The following SCRG1 variants were observed in gnomAD, a reference collection of about 807,000 sequenced individuals.
SCRG1 encodes stimulator of chondrogenesis 1, also known as scrapie-responsive protein 1.
SCRG1 carries 3 observed loss-of-function variants against 7.7 expected under a neutral mutation model. The ratio of observed to expected loss-of-function variants is 0.39; its 90% CI spans 0.18 to 1.01. The LOEUF is 1.01. Ranked by LOEUF, SCRG1 falls within the 50% of genes least tolerant of loss-of-function variation. The probability of loss-of-function intolerance (pLI) is 0.36; values close to 1 mark genes in which losing one functional copy is unlikely to be tolerated. For missense variants in SCRG1, 110 were observed against 117.2 expected (o/e 0.94, Z 0.28); for synonymous variants, 46 against 41.2 (o/e 1.12, Z -0.44).
At chr4:173,499,447 T>C in the SCRG1 span, among the ~76,000 whole-genome samples, 1 of 152,222 alleles carries the variant, frequency 6.6e-6, no homozygotes, top group Non-Finnish European at 1.5e-5. This position sits in a 1 kb window ranked among gnomAD's most constrained non-coding sequence, Gnocchi z 4.1. Flanking sequence ...GTAATAATAG[T>C]AATAGTAATA....
At chr4:173,490,520 T>C in the SCRG1 span, among the ~76,000 whole-genome samples, 10 of 152,264 alleles carry the variant, frequency 6.6e-5, no homozygotes, top group Middle Eastern at 6.8e-3. Context: ...GTCATGGACA[T>C]TTTGGCAGAA....
chr4:173,458,827 GA>G, the SCRG1 span, among the ~76,000 whole-genome samples: 2 of 150,400 alleles, frequency 1.3e-5, no homozygotes, highest in East Asian at 1.9e-4. Context: ...AGGATTAAGA[GA>G]AAAAAAAACA....
At chr4:173,473,078 A>G in the SCRG1 span, among the ~76,000 whole-genome samples, 3 of 152,228 alleles carry the variant, frequency 2.0e-5, no homozygotes, top group Non-Finnish European at 2.9e-5. Flanking sequence ...TTGGAATAAA[A>G]ACTATCCTAA....
At chr4:173,499,796 G>GA in the SCRG1 span, among the ~76,000 whole-genome samples, 4 of 151,900 alleles carry the variant, frequency 2.6e-5, no homozygotes, top group Non-Finnish European at 5.9e-5. This position sits in a 1 kb window ranked among gnomAD's most constrained non-coding sequence, Gnocchi z 4.1. Context: ...CATTTGGGGA[G>GA]AAAAAAAAGT....
the SCRG1 span, among the ~76,000 whole-genome samples, chr4:173,427,132 A>G: frequency 2.0e-5 from 3 of 152,326 alleles, no homozygotes; most frequent in East Asian, 5.8e-4. Context: ...CCAGTGAGGA[A>G]AATGAGACTT....
chr4:173,487,050 GA>G, the SCRG1 span, among the ~76,000 whole-genome samples: 1 of 152,126 alleles, frequency 6.6e-6, no homozygotes, highest in African/African-American at 2.4e-5. Flanking sequence ...AGCTTAAAAA[GA>G]AAAAAAGTCT....
At chr4:173,448,495 A>G in the SCRG1 span, among the ~76,000 whole-genome samples, 4 of 152,260 alleles carry the variant, frequency 2.6e-5, no homozygotes, top group Admixed American at 6.5e-5. Context: ...ACTTACAGAA[A>G]GAGAACCGAC....
the SCRG1 span, among the ~76,000 whole-genome samples, chr4:173,412,476 C>G: frequency 3.9e-5 from 6 of 152,298 alleles, no homozygotes; most frequent in East Asian, 1.2e-3. Context: ...TACTGTTTTG[C>G]TTTGCCTCTT....
the SCRG1 span, among the ~76,000 whole-genome samples, chr4:173,436,094 GA>G: frequency 0.37 from 55,764 of 151,816 alleles, 10,442 homozygotes; most frequent in South Asian, 0.54. Flanking sequence ...TTAAAAGGAT[GA>G]AAAAAACTCC....
At chr4:173,485,109 TTATATAA>T in the SCRG1 span, among the ~76,000 whole-genome samples, 2 of 14,476 alleles carry the variant, frequency 1.4e-4, no homozygotes, top group Non-Finnish European at 2.1e-4. Context: ...ATATTATATA[TTATATAA>T]TATATAATAT....
the SCRG1 span, among the ~76,000 whole-genome samples, chr4:173,415,344 G>C: frequency 6.6e-6 from 1 of 152,204 alleles, no homozygotes; most frequent in Non-Finnish European, 1.5e-5. Flanking sequence ...GAGATGCATT[G>C]TGTAACCCCC....
upstream of SCRG1, among the ~76,000 whole-genome samples, chr4:173,401,609 T>G (rs916869526): frequency 6.6e-6 from 1 of 152,240 alleles, no homozygotes; most frequent in African/African-American, 2.4e-5. Flanking sequence ...ATTTTTATAT[T>G]CAGCAACACT....
At chr4:173,409,747 C>T (rs1740001119), upstream of SCRG1, among the ~76,000 whole-genome samples, 1 of 152,004 alleles carries the variant, frequency 6.6e-6, no homozygotes, top group Admixed American at 6.6e-5. Flanking sequence ...CACCACTGCA[C>T]CCAGCTAATT....
the SCRG1 span, among the ~76,000 whole-genome samples, chr4:173,500,890 G>T: frequency 1.3e-5 from 2 of 152,108 alleles, no homozygotes; most frequent in Non-Finnish European, 2.9e-5. Context: ...TCTACCCACC[G>T]CCGGAGAAAC....
chr4:173,516,954 C>G, the SCRG1 span, among the ~76,000 whole-genome samples: 1 of 152,168 alleles, frequency 6.6e-6, no homozygotes, highest in African/African-American at 2.4e-5. Context: ...CAAGAGGAAA[C>G]TAAAAAAGTG....
the SCRG1 span, among the ~76,000 whole-genome samples, chr4:173,417,805 A>G: frequency 6.6e-6 from 1 of 152,026 alleles, no homozygotes; most frequent in Non-Finnish European, 1.5e-5. Context: ...GGGTGATCTT[A>G]TTCTTGTTCC....
intron 1 of SCRG1, among the ~76,000 whole-genome samples, chr4:173,394,729 C>A (rs982275419): frequency 6.6e-6 from 1 of 152,150 alleles, no homozygotes; most frequent in Admixed American, 6.5e-5. Flanking sequence ...ACTTTTAATT[C>A]TCTCTCACCA....
chr4:173,511,161 TG>T, the SCRG1 span, among the ~76,000 whole-genome samples: 1 of 151,376 alleles, frequency 6.6e-6, no homozygotes. This position sits in a 1 kb window ranked among gnomAD's most constrained non-coding sequence, Gnocchi z 5.2. Context: ...AGAGACGGGG[TG>T]GGGGGGTGTT....
chr4:173,511,048 C>A, the SCRG1 span, among the ~76,000 whole-genome samples: 8 of 152,334 alleles, frequency 5.3e-5, no homozygotes, highest in African/African-American at 1.9e-4. This position sits in a 1 kb window ranked among gnomAD's most constrained non-coding sequence, Gnocchi z 5.2. Flanking sequence ...CTCACTGCAA[C>A]TTCCGCCTCC....
Sources: allele counts gnomAD v4.1 joint callset (sites outside exome capture counted in the v4.1 genomes callset), GRCh38; gene constraint gnomAD v4.1.1; non-coding constraint Gnocchi (gnomAD v3.1); transcripts MANE v1.5; gene names NCBI Gene and HGNC (gene_info 2026-07-23, HGNC 2026-07-21).